KPNA6: variants seen among roughly 807,000 people sequenced by gnomAD.
The protein encoded by KPNA6 is importin subunit alpha-7.
Under a neutral mutation model 72.0 loss-of-function variants are expected in KPNA6, and 9 were observed. The ratio of observed to expected loss-of-function variants is 0.13; its 90% CI spans 0.08 to 0.22. The LOEUF (loss-of-function observed/expected upper bound fraction) is 0.22. Ranked by LOEUF, KPNA6 falls within the 10% of genes least tolerant of loss-of-function variation. The pLI, the probability that KPNA6 is intolerant of heterozygous loss-of-function variation, is 1.00. For synonymous variants in KPNA6, 219 were observed against 242.1 expected (o/e 0.90, Z 0.89); for missense variants, 374 against 655.7 (o/e 0.57, Z 4.69).
chr1:32,138,404 G>A (rs1400676865), intron 1 of KPNA6, among the ~76,000 whole-genome samples: 1 of 151,434 alleles, frequency 6.6e-6, no homozygotes, highest in African/African-American at 2.4e-5. Context: ...TTAGCCGGGC[G>A]TGGTGGCACA....
At position 32,176,241 on chromosome 1, in the gene KPNA6, T is replaced by A. The variant is rs890238488; in HGVS notation, c.*5347T>A. On this transcript the variant is annotated 3_prime_UTR_variant, in exon 14 of 14. Transcript: ENST00000373625. ...TCCCAGCCACTCAAGAGACTGGATA[T>A]CCCCCGAGAATGGCTTGGGTTACCA... 1 of 152,170 alleles carries A rather than the reference T, an allele frequency of 6.6e-6. No homozygotes were observed. The highest frequency in any genetic ancestry group is 2.4e-5 in the African/African-American group (1 of 41,532). The allele number at this position is 152,170 out of a possible 1,614,324, so 9.4% of individuals were successfully genotyped here. A position where few individuals can be genotyped will look rare whatever the true frequency, so the allele number is the denominator to read the frequency against.
chr1:32,109,068 T>A (rs1432740302), intron 1 of KPNA6, among the ~76,000 whole-genome samples: 1 of 152,204 alleles, frequency 6.6e-6, no homozygotes, highest in African/African-American at 2.4e-5. Context: ...ACCATTGCCA[T>A]TTTACAGATG....
chr1:32,167,039 A>G (rs1642352729), intron 11 of KPNA6, 130 bp from the exon 12 acceptor site: 3 of 1,174,786 alleles, frequency 2.6e-6, no homozygotes, highest in Non-Finnish European at 3.6e-6. Flanking sequence ...TGTCACCTAT[A>G]TAGGAAGAAC....
chr1:32,164,541 T>C (rs1642296869), intron 10 of KPNA6, among the ~76,000 whole-genome samples: 1 of 150,946 alleles, frequency 6.6e-6, no homozygotes, highest in East Asian at 1.9e-4. Context: ...CAACAGTTGT[T>C]ATTTTCCGTT....
intron 4 of KPNA6, 72 bp from the exon 5 acceptor site, chr1:32,158,195 G>A (rs1468224880): frequency 2.1e-6 from 2 of 944,060 alleles, no homozygotes; most frequent in Admixed American, 4.1e-5. Flanking sequence ...AAGAAGGATT[G>A]CAAGCTGACC....
At position 32,109,159 on chromosome 1, in the gene KPNA6, A is replaced by G. The variant is rs58842888; in HGVS notation, c.4+1025A>G. Among the ~76,000 whole-genome samples, 96 of 152,252 alleles carry G rather than the reference A, an allele frequency of 6.3e-4. 2 individuals are homozygous for G. In the East Asian group the frequency reaches 0.013, roughly 20 times the overall value. On this transcript the variant is annotated intron_variant, in intron 1 of 13. Coordinates refer to ENST00000373625, the MANE Select transcript of KPNA6 (RefSeq NM_012316.5). ...AGCCAGGGTGAACACTCCCAAGCCT[A>G]GTTTGTAACTGCTGTTTGTTGTTGT...
chr1:32,172,323 A>C lies in KPNA6; in HGVS notation c.*1429A>C, dbSNP rs1570085236. The C allele has an allele frequency of 6.6e-6, 1 of 152,124 alleles. No homozygotes were observed. The highest frequency in any genetic ancestry group is 2.4e-5 in the African/African-American group (1 of 41,432). The allele number at this position is 152,124 out of a possible 1,614,324, so 9.4% of individuals were successfully genotyped here. On this transcript the variant is annotated 3_prime_UTR_variant, in exon 14 of 14. Transcript: ENST00000373625. ...ACCTGAAGGGAGCAAGGATGGCCTC[A>C]GGGCCTGGTGAAGTCTGCTACTCTG...
chr1:32,170,686 C>T (rs755923189), intron 13 of KPNA6, 21 bp from the exon 14 acceptor site: 1 of 1,605,300 alleles, frequency 6.2e-7, no homozygotes, highest in South Asian at 1.1e-5. Context: ...ACTTCCCTCT[C>T]CTTCCTTCTT....
chr1:32,158,852 G>A (rs1225085384), intron 5 of KPNA6, among the ~76,000 whole-genome samples: 2 of 152,160 alleles, frequency 1.3e-5, no homozygotes, highest in Non-Finnish European at 2.9e-5. Context: ...CAATTTCAAA[G>A]GAAAGGCACC....
At chr1:32,166,043 A>C in intron 10 of KPNA6, 62 bp from the exon 11 acceptor site, 1 of 1,531,990 alleles carries the variant, frequency 6.5e-7, no homozygotes, top group Non-Finnish European at 8.8e-7. Flanking sequence ...CAACAAAAAA[A>C]CATAAAAAAA....
intron 1 of KPNA6, among the ~76,000 whole-genome samples, chr1:32,112,639 C>T (rs930692098): frequency 3.3e-5 from 5 of 151,956 alleles, no homozygotes; most frequent in African/African-American, 1.2e-4. Context: ...ATTACAGGTG[C>T]CCACCACCAC....
In KPNA6 at chr1:32,159,551, T is replaced by A; in HGVS notation, c.558+20T>A. ...GAACAGGTAATGCTTAGATTTGGTGTGATTCTTTATAGTACCTGTGGTATA... is the reference window on the plus strand; with the variant it reads ...GAACAGGTAATGCTTAGATTTGGTGAGATTCTTTATAGTACCTGTGGTATA... On this transcript the variant is annotated intron_variant, in intron 6 of 13. Coordinates refer to ENST00000373625, the MANE Select transcript of KPNA6 (RefSeq NM_012316.5). 6.2e-7 allele frequency: 1 copy of A among 1,611,010 alleles called. No homozygotes were observed. Among genetic ancestry groups the A allele is most frequent in the Non-Finnish European group, 8.5e-7 (1 of 1,178,264 alleles).
intron 5 of KPNA6, 85 bp from the exon 6 acceptor site, chr1:32,159,315 G>C: frequency 7.1e-7 from 1 of 1,414,168 alleles, no homozygotes; most frequent in Non-Finnish European, 9.6e-7. Flanking sequence ...TTCATGGGCA[G>C]GAGGCTTACT....
At chr1:32,154,437 G>A in intron 1 of KPNA6, 151 bp from the exon 2 acceptor site, 1 of 658,522 alleles carries the variant, frequency 1.5e-6, no homozygotes, top group South Asian at 2.3e-5. Context: ...GCTGGGGGGT[G>A]GGTAGAGATG....
At position 32,159,483 on chromosome 1, in the gene KPNA6, C is replaced by T; in HGVS notation, c.510C>T (p.Pro170=). Residue 170 remains proline (P), a synonymous_variant, in exon 6 of 14, where the codon CCC becomes CCT. Transcript: ENST00000373625. ...TKIVIEAGAV[P]IFIELLNSDF... is the part of the protein sequence containing the mutation. ...TTGTCATTGAAGCAGGGGCTGTCCC[C>T]ATTTTTATAGAGCTGCTTAATTCAG... The T allele has an allele frequency of 6.2e-7, 1 of 1,614,158 alleles. No homozygotes were observed. Among genetic ancestry groups the T allele is most frequent in the Non-Finnish European group, 8.5e-7 (1 of 1,180,006 alleles).
At chr1:32,142,834 C>G in intron 1 of KPNA6, 1 of 667,958 alleles carries the variant, frequency 1.5e-6, no homozygotes, top group South Asian at 2.0e-5. Flanking sequence ...AGATGTTCCT[C>G]CTTCCAATCT....
At chr1:32,116,822 G>A (rs1225290604) in intron 1 of KPNA6, among the ~76,000 whole-genome samples, 1 of 152,072 alleles carries the variant, frequency 6.6e-6, no homozygotes, top group Non-Finnish European at 1.5e-5. Flanking sequence ...ACAAATAGAG[G>A]CCATTGTAGG....
intron 1 of KPNA6, among the ~76,000 whole-genome samples, chr1:32,117,805 C>T (rs147074708): frequency 1.5e-4 from 23 of 152,190 alleles, no homozygotes; most frequent in African/African-American, 4.8e-4. Context: ...ATGGAAGAGA[C>T]GCTTACTCAG....
chr1:32,163,113 A>G (rs971103800), intron 9 of KPNA6, 122 bp from the exon 10 acceptor site: 3 of 671,990 alleles, frequency 4.5e-6, no homozygotes, highest in Non-Finnish European at 2.7e-6. Flanking sequence ...CAAAAAAAAA[A>G]GAAAAAAGAA....
Sources: gnomAD v4.1 joint callset for allele counts (sites outside exome capture counted in the v4.1 genomes callset) on GRCh38, gnomAD v4.1.1 for gene constraint, MANE v1.5 for transcripts, NCBI Gene and HGNC (gene_info 2026-07-23, HGNC 2026-07-21) for gene names.